The following PCDHGA2 variants were observed in gnomAD, a reference collection of about 807,000 sequenced individuals.
The protein encoded by PCDHGA2 is protocadherin gamma-A2.
Under a neutral mutation model 59.2 loss-of-function variants are expected in PCDHGA2, and 40 were observed. The observed-to-expected ratio is 0.68, with a 90% confidence interval of 0.52 to 0.88. The LOEUF is 0.88. PCDHGA2 is among the 40% of genes least tolerant of loss of function. The pLI is 0.00. For synonymous variants in PCDHGA2, 560 were observed against 526.0 expected, an observed-to-expected ratio of 1.06 and a Z score of -0.89; for missense variants, 1,226 against 1,204.0, an observed-to-expected ratio of 1.02 and a Z score of -0.27.
At chr5:141,352,268 G>A in intron 1 of PCDHGA2, 1 of 1,614,092 alleles carries the variant, frequency 6.2e-7, no homozygotes, top group Non-Finnish European at 8.5e-7. Context: ...GGTATTGCCA[G>A]ACCTCAGCGA....
At chr5:141,407,956 A>G (rs2095008608) in intron 1 of PCDHGA2, 1 of 645,868 alleles carries the variant, frequency 1.5e-6, no homozygotes, top group African/African-American at 1.8e-5. Flanking sequence ...CGGCCAGTGC[A>G]GAGCAAGCGC....
intron 1 of PCDHGA2, chr5:141,372,236 C>G (rs777727544): frequency 1.2e-6 from 2 of 1,613,204 alleles, no homozygotes; most frequent in East Asian, 4.5e-5. Flanking sequence ...CCAGCGAGCC[C>G]GGGCTGTTCA....
intron 1 of PCDHGA2, chr5:141,355,849 G>A (rs375626682): frequency 1.2e-6 from 2 of 1,612,420 alleles, no homozygotes; most frequent in East Asian, 4.5e-5. Context: ...GGCCTTCGAT[G>A]GAGGTGACCC....
intron 1 of PCDHGA2, chr5:141,370,799 A>G: frequency 6.2e-7 from 1 of 1,614,032 alleles, no homozygotes; most frequent in Non-Finnish European, 8.5e-7. Context: ...CCTTTAGCCA[A>G]AATATCACTG....
chr5:141,393,497 C>T (rs375522990), intron 1 of PCDHGA2: 705 of 1,613,952 alleles, frequency 4.4e-4, no homozygotes, highest in Non-Finnish European at 5.6e-4. Flanking sequence ...CAGTGCGCAT[C>T]CACGTGACAG....
At chr5:141,370,645 T>TA in intron 1 of PCDHGA2, 1 of 1,613,922 alleles carries the variant, frequency 6.2e-7, no homozygotes, top group Non-Finnish European at 8.5e-7. Flanking sequence ...AATGGGAACT[T>TA]ACTTGTGAGC....
At chr5:141,389,754 G>A (rs370987485) in intron 1 of PCDHGA2, 3 of 1,612,772 alleles carry the variant, frequency 1.9e-6, no homozygotes, top group South Asian at 2.2e-5. Context: ...CACGGGCGAA[G>A]TGCGCACAGC....
At chr5:141,408,423 A>G (rs2095103444) in intron 1 of PCDHGA2, 1 of 1,614,078 alleles carries the variant, frequency 6.2e-7, no homozygotes. Flanking sequence ...GAGAAGCTGC[A>G]CTTCAGCGTA....
Position 141,494,872 on chromosome 5 carries a change from G to A in PCDHGA2, c.2483+7G>A. On this transcript the variant is annotated splice_region_variant and intron_variant, in intron 2 of 3. Transcript: ENST00000394576. ...AGAGACCCGGCACCAGCGGGTAGGT[G>A]ACTGATTCTCCAGCCCACCCTCTTC... 1 of 1,614,128 alleles carries A rather than the reference G, an allele frequency of 6.2e-7. No individual in the cohort carries two copies. Among genetic ancestry groups the A allele is most frequent in the South Asian group, 1.1e-5 (1 of 91,074 alleles).
In PCDHGA2 at chr5:141,376,620, C is replaced by T. The variant is rs2150087257; in HGVS notation, c.2424+35225C>T. The stretch of plus-strand genomic sequence containing the variant: ...TTATAGAAGCGAACCTCTTTTGGTA[C>T]AGGAAGATTCGTGATTTTGTAAAGT... On this transcript the variant is annotated intron_variant, in intron 1 of 3. Transcript: ENST00000394576. 2.9e-6 allele frequency: 4 copies of T among 1,360,830 alleles called. No homozygotes were observed. In the East Asian group the frequency reaches 7.4e-5, roughly 25 times the overall value. The allele number at this position is 1,360,830 out of a possible 1,614,324, so 84.3% of individuals were successfully genotyped here. A position where few individuals can be genotyped will look rare whatever the true frequency, so the allele number is the denominator to read the frequency against.
At chr5:141,465,779 G>GTT (rs879859429) in intron 1 of PCDHGA2, among the ~76,000 whole-genome samples, 3 of 145,118 alleles carry the variant, frequency 2.1e-5, no homozygotes, top group Non-Finnish European at 3.0e-5. Context: ...TCTTGTTACA[G>GTT]TTTTTTTTTT....
In PCDHGA2 at chr5:141,409,379, A is replaced by G. The variant is rs376174246; in HGVS notation, c.2424+67984A>G. On this transcript the variant is annotated intron_variant, in intron 1 of 3. Transcript: ENST00000394576. ...TAATATAGAAACAGACATTCCATTC[A>G]AGATTTATTCTTCTTCCAATAACTA... is the stretch of plus-strand genomic sequence containing the variant. The G allele has an allele frequency of 1.5e-5, 25 of 1,613,926 alleles. No homozygotes were observed. The highest frequency in any genetic ancestry group is 2.0e-5 in the Non-Finnish European group (24 of 1,179,908).
intron 2 of PCDHGA2, among the ~76,000 whole-genome samples, chr5:141,499,738 A>G (rs1284003023): frequency 2.4e-5 from 3 of 127,268 alleles, no homozygotes; most frequent in South Asian, 2.4e-4. Flanking sequence ...TCTCTTGCCC[A>G]GGCTGTGGCA....
rs753702657 is a variant in PCDHGA2 at position 141,415,195 on chromosome 5, C to G, written c.2424+73800C>G. ...CGTGGCCGTGGCCGACAGCATCCCC[C>G]AAGTCCTGGCGGACCTCGGCAGCTT... On this transcript the variant is annotated intron_variant, in intron 1 of 3. Transcript: ENST00000394576. 5 of 1,614,058 alleles carry G rather than the reference C, an allele frequency of 3.1e-6. No individual in the cohort carries two copies. The highest frequency in any genetic ancestry group is 1.1e-5 in the South Asian group (1 of 91,090).
chr5:141,339,300 T>A lies in PCDHGA2; in HGVS notation c.329T>A (p.Leu110Gln), dbSNP rs767680230. ...TGTCTGTTGAATTTTAACATTCTGC[T>A]GGAGGATAAATTGACTATTTATTCA... ...APCLLNFNIL[L>Q]EDKLTIYSVE... The change falls in exon 1 of 4, where the codon CTG (leucine) becomes CAG (glutamine). Residue 110 changes from leucine (L) to glutamine (Q), a missense_variant. Coordinates refer to ENST00000394576, the MANE Select transcript of PCDHGA2 (RefSeq NM_018915.4). The A allele has an allele frequency of 6.2e-7, 1 of 1,614,266 alleles. No homozygotes were observed. The highest frequency in any genetic ancestry group is 2.2e-5 in the East Asian group (1 of 44,882).
chr5:141,494,845 C>G lies in PCDHGA2; in HGVS notation c.2463C>G (p.Ala821=), dbSNP rs747484430. The part of the protein sequence containing the change: ...PPNTDWRFSQ[A]QRPGTSGSQN... Reference sequence around the variant, plus strand: ...ACACGGACTGGCGTTTCTCTCAGGCCCAGAGACCCGGCACCAGCGGGTAGG... The same window carrying G: ...ACACGGACTGGCGTTTCTCTCAGGCGCAGAGACCCGGCACCAGCGGGTAGG... The change falls in exon 2 of 4, where the codon GCC becomes GCG. Residue 821 remains alanine, a synonymous_variant. Transcript: ENST00000394576. 1.2e-6 allele frequency: 2 copies of G among 1,614,144 alleles called. No individual in the cohort carries two copies. The highest frequency in any genetic ancestry group is 1.7e-6 in the Non-Finnish European group (2 of 1,180,028).
At chr5:141,355,002 A>C in intron 1 of PCDHGA2, 1 of 756,684 alleles carries the variant, frequency 1.3e-6, no homozygotes, top group Non-Finnish European at 1.9e-6. Flanking sequence ...GGGGGAAAAG[A>C]CAAACCAGAA....
chr5:141,428,154 T>C, intron 1 of PCDHGA2: 2 of 1,578,924 alleles, frequency 1.3e-6, no homozygotes, highest in Non-Finnish European at 1.7e-6. Flanking sequence ...CACGGGAACC[T>C]GCTGGTTGCT....
At chr5:141,398,700 C>T in intron 1 of PCDHGA2, 1 of 1,613,844 alleles carries the variant, frequency 6.2e-7, no homozygotes, top group Non-Finnish European at 8.5e-7. Context: ...GTAGTAAATA[C>T]CCGGAACTGG....
Sources: gnomAD v4.1 joint callset for allele counts (sites outside exome capture counted in the v4.1 genomes callset) on GRCh38, gnomAD v4.1.1 for gene constraint, MANE v1.5 for transcripts, NCBI Gene and HGNC (gene_info 2026-07-23, HGNC 2026-07-21) for gene names.